RNF121: variants seen among roughly 807,000 people sequenced by gnomAD.
The protein encoded by RNF121 is E3 ubiquitin ligase RNF121.
Under a neutral mutation model 46.5 loss-of-function variants are expected in RNF121, and 21 were observed. The ratio of observed to expected loss-of-function variants is 0.45; its 90% CI spans 0.32 to 0.65. RNF121 has a LOEUF of 0.65. Ranked by LOEUF, RNF121 falls within the 30% of genes least tolerant of loss-of-function variation. RNF121 has a pLI of 0.04. For synonymous variants in RNF121, 139 were observed against 144.7 expected, an observed-to-expected ratio of 0.96 and a Z score of 0.28; for missense variants, 346 against 416.0, an observed-to-expected ratio of 0.83 and a Z score of 1.46.
intron 7 of RNF121, 91 bp from the exon 8 acceptor site, chr11:71,995,359 G>A: frequency 2.0e-6 from 2 of 984,760 alleles, no homozygotes; most frequent in Non-Finnish European, 1.6e-6. Context: ...AGCTGATAAA[G>A]AGCGAAGGCA....
Position 71,960,911 on chromosome 11 carries a change from ACTT to A in RNF121, c.243+24_243+26del, listed in dbSNP as rs1954115509. 6.2e-7 allele frequency: 1 copy of A among 1,611,232 alleles called. No homozygotes were observed. Among genetic ancestry groups the A allele is most frequent in the Non-Finnish European group, 8.5e-7 (1 of 1,178,418 alleles). On this transcript the variant is annotated intron_variant, in intron 3 of 8. Coordinates refer to ENST00000361756, the MANE Select transcript of RNF121 (RefSeq NM_018320.5). ...TACAATGTAAGCCACTTTGCCTCTT[ACTT>A]CTTTGTCTGTCAGTCATCAAGAGAC...
At position 71,996,734 on chromosome 11, in the gene RNF121, G is replaced by T; in HGVS notation, c.*419G>T. On this transcript the variant is annotated 3_prime_UTR_variant, in exon 9 of 9. Transcript: ENST00000361756. ...CCACCCACTCCCTTCTTCCCTGTGT[G>T]GGGCTCAAGCCTGGTGCACTTAGTA... is the stretch of plus-strand genomic sequence containing the variant. 1 of 187,698 alleles carries T rather than the reference G, an allele frequency of 5.3e-6. No individual in the cohort carries two copies. The allele number at this position is 187,698 out of a possible 1,614,324, so 11.6% of individuals were successfully genotyped here. A position where few individuals can be genotyped will look rare whatever the true frequency, so the allele number is the denominator to read the frequency against.
chr11:71,951,607 A>G (rs1046156485), intron 1 of RNF121, among the ~76,000 whole-genome samples: 2 of 151,160 alleles, frequency 1.3e-5, no homozygotes, highest in Non-Finnish European at 2.9e-5. Context: ...ACTGTACTCC[A>G]GCCTGGGCAC....
At chr11:71,995,222 C>A in intron 7 of RNF121, 1 of 587,192 alleles carries the variant, frequency 1.7e-6, no homozygotes, top group Non-Finnish European at 3.0e-6. Flanking sequence ...CCATTCTCTG[C>A]CTATGTTGGG....
chr11:71,934,769 A>G (rs1202644644), intron 1 of RNF121, among the ~76,000 whole-genome samples: 1 of 152,120 alleles, frequency 6.6e-6, no homozygotes, highest in Admixed American at 6.5e-5. Flanking sequence ...ATTCTAGACT[A>G]GGAATAGCAG....
chr11:71,994,047 A>T (rs1954921929), intron 6 of RNF121, among the ~76,000 whole-genome samples: 1 of 151,948 alleles, frequency 6.6e-6, no homozygotes, highest in South Asian at 2.1e-4. Context: ...TCACTGTGTT[A>T]GTTAGGATGC....
chr11:71,957,820 G>A (rs4945378), intron 2 of RNF121, among the ~76,000 whole-genome samples: 140,588 of 152,214 alleles, frequency 0.92, 65,197 homozygotes, highest in Non-Finnish European at 0.98. Context: ...TATATCTTAT[G>A]ATGATTGCTC....
At chr11:71,973,162 G>A (rs1000439609) in intron 3 of RNF121, among the ~76,000 whole-genome samples, 37 of 151,736 alleles carry the variant, frequency 2.4e-4, no homozygotes, top group Non-Finnish European at 7.4e-5. Flanking sequence ...CTCCAGCCTA[G>A]GCAACAAGAG....
intron 1 of RNF121, among the ~76,000 whole-genome samples, chr11:71,947,021 C>T (rs966266057): frequency 1.3e-5 from 2 of 152,016 alleles, no homozygotes; most frequent in Non-Finnish European, 2.9e-5. Flanking sequence ...GCATGCGCCA[C>T]CACACCTGGC....
At chr11:71,961,455 G>A (rs1954132326) in intron 3 of RNF121, among the ~76,000 whole-genome samples, 1 of 152,136 alleles carries the variant, frequency 6.6e-6, no homozygotes, top group Admixed American at 6.5e-5. Context: ...CAGCTACTGG[G>A]GAGGCTGAGA....
chr11:71,970,958 A>C (rs1954407636), intron 3 of RNF121, among the ~76,000 whole-genome samples: 1 of 152,238 alleles, frequency 6.6e-6, no homozygotes, highest in African/African-American at 2.4e-5. Flanking sequence ...TTCATTGTTA[A>C]GTAGATTAGT....
At chr11:71,957,366 A>G (rs1426786204) in intron 2 of RNF121, 102 bp downstream of exon 2, 2 of 804,768 alleles carry the variant, frequency 2.5e-6, no homozygotes, top group Non-Finnish European at 4.5e-6. Flanking sequence ...AGTAGGAGGC[A>G]GTGGCTCATG....
chr11:71,995,884 G>C (rs1232487434), intron 8 of RNF121, among the ~76,000 whole-genome samples: 1 of 152,170 alleles, frequency 6.6e-6, no homozygotes, highest in African/African-American at 2.4e-5. Context: ...TGGGGAACTA[G>C]GATTTATCTC....
chr11:71,988,653 AAAGAAAG>A (rs1565162250), intron 5 of RNF121, among the ~76,000 whole-genome samples: 1 of 140,444 alleles, frequency 7.1e-6, no homozygotes, highest in African/African-American at 2.6e-5. Context: ...AAAAAAAAAA[AAAGAAAG>A]AAAGAAAGAA....
chr11:71,980,545 C>A (rs1334274514), intron 3 of RNF121, among the ~76,000 whole-genome samples: 1 of 152,138 alleles, frequency 6.6e-6, no homozygotes, highest in Admixed American at 6.5e-5. Flanking sequence ...CGGGGTTTCA[C>A]CATGTTGGCC....
chr11:71,984,429 G>A (rs911265339), intron 4 of RNF121, among the ~76,000 whole-genome samples: 14 of 151,780 alleles, frequency 9.2e-5, no homozygotes, highest in Non-Finnish European at 1.2e-4. Context: ...ACAGGCACCC[G>A]CCACCACACC....
At chr11:71,934,736 A>G (rs372005344) in intron 1 of RNF121, among the ~76,000 whole-genome samples, 23 of 152,224 alleles carry the variant, frequency 1.5e-4, no homozygotes, top group East Asian at 1.3e-3. Flanking sequence ...AAAAAGCCAT[A>G]GGGTAGTAAA....
intron 1 of RNF121, among the ~76,000 whole-genome samples, chr11:71,953,256 A>G (rs1953923489): frequency 3.3e-5 from 5 of 152,144 alleles, no homozygotes; most frequent in Admixed American, 2.6e-4. Flanking sequence ...CTGGTCTCAA[A>G]TTCCTGGCCT....
rs771588907 is a variant in RNF121, at chr11:71,929,109, A to G, written c.48A>G (p.Glu16=). Residue 16 remains glutamate (E), a synonymous_variant, in exon 1 of 9, where the codon GAA becomes GAG. Coordinates refer to ENST00000361756, the MANE Select transcript of RNF121 (RefSeq NM_018320.5). Reference sequence around the variant, plus strand: ...AGGTTGGAGGTGGTGCTGCTGGGGAACGGGAGCTGGATGAGGTAAGCGGAG... The same window carrying G: ...AGGTTGGAGGTGGTGCTGCTGGGGAGCGGGAGCTGGATGAGGTAAGCGGAG... ...EVEVGGGAAG[E]RELDEVDMSD... 2 of 1,551,326 alleles carry G rather than the reference A, an allele frequency of 1.3e-6. No homozygotes were observed. The highest frequency in any genetic ancestry group is 1.2e-5 in the South Asian group (1 of 84,018).
Sources: gnomAD v4.1 joint callset for allele counts (sites outside exome capture counted in the v4.1 genomes callset) on GRCh38, gnomAD v4.1.1 for gene constraint, MANE v1.5 for transcripts, NCBI Gene and HGNC (gene_info 2026-07-23, HGNC 2026-07-21) for gene names.